Variants in APP observed in about 807,000 individuals in gnomAD.
APP encodes the protein amyloid-beta precursor protein.
A neutral mutation model predicts 101.4 loss-of-function variants in APP; 31 were observed. The ratio of observed to expected loss-of-function variants is 0.31; its 90% CI spans 0.23 to 0.41. APP has a LOEUF of 0.41. Among genes scored for constraint, APP ranks in the 10% least tolerant of loss-of-function variants. The pLI is 1.00. For synonymous variants in APP, 366 were observed against 364.4 expected, an observed-to-expected ratio of 1.00 and a Z score of -0.05; for missense variants, 839 against 1,003.7, an observed-to-expected ratio of 0.84 and a Z score of 2.22.
At chr21:26,042,767 T>G (rs2045432104) in intron 5 of APP, among the ~76,000 whole-genome samples, 2 of 151,970 alleles carry the variant, frequency 1.3e-5, no homozygotes, top group African/African-American at 4.8e-5. Context: ...CAAAATAAAT[T>G]AGGCAGGCAT....
chr21:25,966,676 A>G (rs1196561034), intron 11 of APP, among the ~76,000 whole-genome samples: 3 of 152,226 alleles, frequency 2.0e-5, no homozygotes, highest in Non-Finnish European at 4.4e-5. Context: ...ATATTTTATA[A>G]GATAATTTCT....
chr21:25,912,084 T>A, intron 13 of APP, 122 bp from the exon 14 acceptor site: 1 of 771,676 alleles, frequency 1.3e-6, no homozygotes, highest in South Asian at 1.5e-5. Flanking sequence ...TGATCGCGTT[T>A]AGAGCCATGA....
intron 5 of APP, among the ~76,000 whole-genome samples, chr21:26,045,811 A>G (rs1414173358): frequency 1.3e-5 from 2 of 152,190 alleles, no homozygotes; most frequent in Non-Finnish European, 2.9e-5. Flanking sequence ...ACGCACCCAC[A>G]CAAGCCACCC....
intron 6 of APP, among the ~76,000 whole-genome samples, chr21:26,017,409 CAAA>C (rs373376674): frequency 9.0e-6 from 1 of 111,106 alleles, no homozygotes. Context: ...AATCCCGTGT[CAAA>C]AAAAAAAAAA....
intron 5 of APP, among the ~76,000 whole-genome samples, chr21:26,037,276 T>C (rs1333314267): frequency 6.6e-6 from 1 of 152,060 alleles, no homozygotes; most frequent in East Asian, 1.9e-4. Flanking sequence ...TACAGCTAGA[T>C]AAGAGGAATA....
intron 14 of APP, among the ~76,000 whole-genome samples, chr21:25,906,292 T>G (rs778230175): frequency 1.3e-5 from 2 of 152,270 alleles, no homozygotes; most frequent in Non-Finnish European, 2.9e-5. Context: ...ATGTAGAGAC[T>G]GGCAGCATGG....
chr21:26,140,465 T>C, intron 1 of APP: 2 of 884,358 alleles, frequency 2.3e-6, no homozygotes, highest in South Asian at 2.4e-5. Flanking sequence ...AACTCTGTCT[T>C]GGGTAGAGTA....
chr21:25,994,577 A>G (rs1214468843), intron 8 of APP, among the ~76,000 whole-genome samples: 1 of 152,228 alleles, frequency 6.6e-6, no homozygotes, highest in African/African-American at 2.4e-5. Context: ...TATCAGTTCA[A>G]CTGAAGAGCT....
At chr21:25,982,227 G>T in intron 9 of APP, 117 bp downstream of exon 9, 1 of 1,192,626 alleles carries the variant, frequency 8.4e-7, no homozygotes. Context: ...TTTAAAATTA[G>T]AACTTTACAT....
chr21:26,041,950 A>C (rs540843795), intron 5 of APP, among the ~76,000 whole-genome samples: 1 of 174 alleles, frequency 5.7e-3, no homozygotes, highest in Non-Finnish European at 0.024. Context: ...TTCAGTATAG[A>C]CAGTCAGAAA....
intron 2 of APP, among the ~76,000 whole-genome samples, chr21:26,108,461 G>A (rs1444904025): frequency 6.6e-6 from 1 of 152,176 alleles, no homozygotes; most frequent in Non-Finnish European, 1.5e-5. Context: ...CTACAGTACT[G>A]GACAGCACAC....
rs548568566 is a variant in APP, at chr21:25,959,540, C to T, written c.1459-3785G>A. 1.1e-4 allele frequency among the ~76,000 whole-genome samples: 17 copies of T among 152,326 alleles called. No individual in the cohort carries two copies. The South Asian group carries it at 3.5e-3, about 32-fold the overall frequency. On this transcript the variant is annotated intron_variant, in intron 11 of 17. Coordinates refer to ENST00000346798, the MANE Select transcript of APP (RefSeq NM_000484.4). ...CCTGACTTTCTAGTTTTTACAAGTG[C>T]AGGTAATATTCTGTGGGCCATGCTA...
intron 5 of APP, among the ~76,000 whole-genome samples, chr21:26,022,333 G>A (rs559962259): frequency 6.6e-6 from 1 of 152,152 alleles, no homozygotes; most frequent in African/African-American, 2.4e-5. Flanking sequence ...GTTGCCAGTG[G>A]TTCAGGGGGA....
At chr21:26,032,805 A>T (rs71317450) in intron 5 of APP, among the ~76,000 whole-genome samples, 23,874 of 124,274 alleles carry the variant, frequency 0.19, 2,011 homozygotes, top group Middle Eastern at 0.23. Flanking sequence ...AAAAAAAAAA[A>T]ATATATATAT....
chr21:26,089,906 C>A, intron 3 of APP, 37 bp downstream of exon 3: 1 of 1,613,154 alleles, frequency 6.2e-7, no homozygotes, highest in Non-Finnish European at 8.5e-7. Flanking sequence ...AAGACCAGGC[C>A]CCCAATCAAC....
chr21:26,153,326 A>C (rs943582805), intron 1 of APP, among the ~76,000 whole-genome samples: 1 of 152,238 alleles, frequency 6.6e-6, no homozygotes, highest in African/African-American at 2.4e-5. Context: ...TTTAAGCCCT[A>C]AACTTCAGTT....
chr21:26,166,884 GAGAGAGAGAGAGAGAGAGAGAA>G lies in APP; in HGVS notation c.57+3658_57+3679del, dbSNP rs1422456806. Reference sequence around the variant, plus strand: ...CTGTCACTCAAGTGAGAGAGAGAGAGAGAGAGAGAGAGAGAGAGAGAAAGAGAGAGAAAGAGACAGAGGGTGT... The same window carrying G: ...CTGTCACTCAAGTGAGAGAGAGAGAGAGAGAGAGAAAGAGACAGAGGGTGT... On this transcript the variant is annotated intron_variant, in intron 1 of 17. Coordinates refer to ENST00000346798, the MANE Select transcript of APP (RefSeq NM_000484.4). Among the ~76,000 whole-genome samples the G allele has an allele frequency of 9.7e-3, 898 of 92,456 alleles. 8 individuals are homozygous for G. The highest frequency in any genetic ancestry group is 0.053 in the African/African-American group (784 of 14,852). 60.7% of individuals were successfully genotyped at this position (92,456 alleles called of 152,430 possible).
At chr21:26,152,296 A>AAAAAAACAAAAAC (rs2063293714) in intron 1 of APP, among the ~76,000 whole-genome samples, 1 of 149,614 alleles carries the variant, frequency 6.7e-6, no homozygotes, top group African/African-American at 2.5e-5. Flanking sequence ...AAAAAAAAAA[A>AAAAAAACAAAAAC]AAAAAAAAAA....
At chr21:25,991,669 C>T (rs542400177) in intron 8 of APP, among the ~76,000 whole-genome samples, 2 of 152,322 alleles carry the variant, frequency 1.3e-5, no homozygotes, top group African/African-American at 4.8e-5. Flanking sequence ...TGAGCCACTG[C>T]ACCCAGCTGC....
Sources: gnomAD v4.1 joint callset for allele counts (sites outside exome capture counted in the v4.1 genomes callset) on GRCh38, gnomAD v4.1.1 for gene constraint, MANE v1.5 for transcripts, NCBI Gene and HGNC (gene_info 2026-07-23, HGNC 2026-07-21) for gene names.